ZNF236: variants seen among roughly 807,000 people sequenced by gnomAD.
The protein encoded by ZNF236 is regulated by glucose.
In ZNF236, 50 loss-of-function variants were observed where a neutral mutation model predicts 191.2. The observed-to-expected ratio is 0.26, with a 90% CI of 0.21 to 0.33. The LOEUF is 0.33. Ranked by LOEUF, ZNF236 falls within the 10% of genes least tolerant of loss-of-function variation. The probability of loss-of-function intolerance (pLI) is 1.00; values close to 1 mark genes in which losing one functional copy is unlikely to be tolerated. For missense variants in ZNF236, 1,754 were observed against 2,374.5 expected (o/e 0.74, Z 5.43); for synonymous variants, 907 against 928.8 (o/e 0.98, Z 0.43).
chr18:76,905,545 GAAAA>G (rs1159878664), intron 13 of ZNF236, 130 bp downstream of exon 13: 61 of 67,738 alleles, frequency 9.0e-4, no homozygotes, highest in South Asian at 3.4e-3. Context: ...ATGGGCTCAA[GAAAA>G]AAAAAAAAAA....
intron 1 of ZNF236, among the ~76,000 whole-genome samples, chr18:76,845,031 C>A (rs892218753): frequency 3.3e-5 from 5 of 152,140 alleles, no homozygotes; most frequent in Non-Finnish European, 7.4e-5. Flanking sequence ...CTTATTTATT[C>A]CGCACAACTG....
chr18:76,828,710 A>G (rs1332841528), intron 1 of ZNF236, among the ~76,000 whole-genome samples: 2 of 152,218 alleles, frequency 1.3e-5, no homozygotes, highest in African/African-American at 4.8e-5. Context: ...TCTGTTGCCC[A>G]GGCTGGTATG....
chr18:76,960,576 GAA>G lies in ZNF236; in HGVS notation c.5243-100_5243-99del. On this transcript the variant is annotated intron_variant, in intron 29 of 30. Coordinates refer to ENST00000320610, the MANE Select transcript of ZNF236 (RefSeq NM_001306089.2). This position sits in a 1 kb window ranked among gnomAD's most constrained non-coding sequence, Gnocchi z 4.4. ...TGACAGCCAGGCTGAAAGCCTAAAA[GAA>G]AAGAGGAACATTCAGTCCCTCTTGT... is the stretch of plus-strand genomic sequence containing the variant. 1 of 1,421,374 alleles carries G rather than the reference GAA, an allele frequency of 7.0e-7. No individual in the cohort carries two copies. The allele number at this position is 1,421,374 out of a possible 1,614,324, so 88.0% of individuals were successfully genotyped here.
chr18:76,921,685 T>A (rs2122812051), intron 20 of ZNF236, among the ~76,000 whole-genome samples: 1 of 150,362 alleles, frequency 6.7e-6, no homozygotes, highest in African/African-American at 2.4e-5. Context: ...CGACATAAAG[T>A]GCTAAACATG....
At chr18:76,943,865 A>G in intron 26 of ZNF236, among the ~76,000 whole-genome samples, 1 of 152,336 alleles carries the variant, frequency 6.6e-6, no homozygotes, top group Middle Eastern at 3.4e-3. Flanking sequence ...TTGAGGCACA[A>G]TGTTTTGTTT....
chr18:76,875,457 G>A lies in ZNF236; in HGVS notation c.668-35G>A, dbSNP rs1330718978. On this transcript the variant is annotated intron_variant, in intron 5 of 30. Coordinates refer to ENST00000320610, the MANE Select transcript of ZNF236 (RefSeq NM_001306089.2). The surrounding 1 kb of genome is among the most constrained non-coding windows in gnomAD (Gnocchi z 4.3). Reference sequence around the variant, plus strand: ...AATCCGTAAGATGCCCATACAATATGGAATTATATTTTGATCATTTTTCTC... The same window carrying A: ...AATCCGTAAGATGCCCATACAATATAGAATTATATTTTGATCATTTTTCTC... The A allele has an allele frequency of 6.9e-7, 1 of 1,454,630 alleles. No homozygotes were observed. The highest frequency in any genetic ancestry group is 9.1e-7 in the Non-Finnish European group (1 of 1,094,196). The allele number at this position is 1,454,630 out of a possible 1,614,324, so 90.1% of individuals were successfully genotyped here.
At position 76,972,514 on chromosome 18, in the gene ZNF236, T is replaced by G. The variant is rs1968922052; in HGVS notation, c.*4175T>G. On this transcript the variant is annotated 3_prime_UTR_variant, in exon 31 of 31. Transcript: ENST00000320610. The stretch of plus-strand genomic sequence containing the variant: ...CCTACACAGGCATCGGGGCAGTTCT[T>G]TATATGGATGACTAACAACTAAGAA... Among the ~76,000 whole-genome samples the G allele has an allele frequency of 6.6e-6, 1 of 152,152 alleles. No homozygotes were observed. Among genetic ancestry groups the G allele is most frequent in the Non-Finnish European group, 1.5e-5 (1 of 68,026 alleles).
chr18:76,864,364 T>C (rs1432875571), intron 3 of ZNF236, among the ~76,000 whole-genome samples: 1 of 151,976 alleles, frequency 6.6e-6, no homozygotes, highest in African/African-American at 2.4e-5. Context: ...CACACCCGGC[T>C]AGTTTTTATA....
At chr18:76,846,855 T>C (rs965596921) in intron 1 of ZNF236, among the ~76,000 whole-genome samples, 5 of 151,884 alleles carry the variant, frequency 3.3e-5, no homozygotes, top group African/African-American at 9.7e-5. Context: ...AGTGCAGTGG[T>C]GCAATCTCGG....
In ZNF236 at chr18:76,971,451, A is replaced by T. The variant is rs1170901850; in HGVS notation, c.*3112A>T. On this transcript the variant is annotated 3_prime_UTR_variant, in exon 31 of 31. Transcript: ENST00000320610. ...ACAGTGTTCTGCTGGTGGGACATGA[A>T]CATCAGTGCTTGTCTGGCACTTAAC... 6.6e-6 allele frequency among the ~76,000 whole-genome samples: 1 copy of T among 152,208 alleles called. No homozygotes were observed. The highest frequency in any genetic ancestry group is 2.4e-5 in the African/African-American group (1 of 41,456).
chr18:76,872,820 G>C (rs746731257), intron 5 of ZNF236, among the ~76,000 whole-genome samples: 15 of 152,132 alleles, frequency 9.9e-5, no homozygotes, highest in Non-Finnish European at 1.9e-4. Context: ...TGTATTTCTT[G>C]ATTTGGTTTT....
At chr18:76,967,527 TG>T (rs1968808213) in intron 30 of ZNF236, among the ~76,000 whole-genome samples, 100 of 94,924 alleles carry the variant, frequency 1.1e-3, no homozygotes, top group African/African-American at 3.7e-3. Flanking sequence ...TTGGAGGTGG[TG>T]GTGTGATCTG....
chr18:76,964,283 A>C (rs983784143), intron 30 of ZNF236, among the ~76,000 whole-genome samples: 5 of 152,170 alleles, frequency 3.3e-5, no homozygotes, highest in Non-Finnish European at 5.9e-5. Flanking sequence ...CAGTTCGAAT[A>C]ATTTTTTAAT....
intron 17 of ZNF236, 130 bp downstream of exon 17, chr18:76,912,477 T>C: frequency 1.7e-6 from 1 of 594,866 alleles, no homozygotes; most frequent in Non-Finnish European, 2.9e-6. Context: ...TCCATTGTCA[T>C]CCATATTCTG....
At chr18:76,841,583 T>C (rs899475721) in intron 1 of ZNF236, among the ~76,000 whole-genome samples, 14 of 152,362 alleles carry the variant, frequency 9.2e-5, no homozygotes, top group East Asian at 3.9e-4. Flanking sequence ...TGGCTCCTAA[T>C]TGAATCAACA....
At chr18:76,908,257 T>C in intron 13 of ZNF236, 63 bp from the exon 14 acceptor site, 1 of 1,547,362 alleles carries the variant, frequency 6.5e-7, no homozygotes, top group Non-Finnish European at 8.8e-7. Flanking sequence ...TTCACTGTAG[T>C]ATCCCAGGCA....
At chr18:76,965,265 C>T (rs1227019708) in intron 30 of ZNF236, among the ~76,000 whole-genome samples, 1 of 152,136 alleles carries the variant, frequency 6.6e-6, no homozygotes, top group Non-Finnish European at 1.5e-5. Context: ...CTATCAATTT[C>T]ATTGAATATT....
In ZNF236 at chr18:76,925,513, C is replaced by G. The variant is rs1486665771; in HGVS notation, c.3986C>G (p.Pro1329Arg). The change falls in exon 22 of 31, where the codon CCA becomes CGA. Residue 1329 changes from proline to arginine, a missense_variant. Physicochemically the swap from Pro to Arg is moderately radical, Grantham distance 103. This residue lies in a region of ZNF236 where 606 missense variants were observed against 761.5 expected (regional missense o/e 0.80). Coordinates refer to ENST00000320610, the MANE Select transcript of ZNF236 (RefSeq NM_001306089.2). This position sits in a 1 kb window ranked among gnomAD's most constrained non-coding sequence, Gnocchi z 5.7. ...TGQFDQNLLQPGLVGQAILPA... is the reference protein window; with the variant it reads ...TGQFDQNLLQRGLVGQAILPA... Reference sequence around the variant, plus strand: ...CAGTTTGATCAGAATCTGCTGCAACCAGGACTGGTGGGCCAAGCTATTCTC... The same window carrying G: ...CAGTTTGATCAGAATCTGCTGCAACGAGGACTGGTGGGCCAAGCTATTCTC... The G allele has an allele frequency of 6.2e-7, 1 of 1,613,978 alleles. No homozygotes were observed. The highest frequency in any genetic ancestry group is 1.1e-5 in the South Asian group (1 of 91,078).
At chr18:76,949,847 T>C (rs1428047451) in intron 27 of ZNF236, among the ~76,000 whole-genome samples, 1 of 151,946 alleles carries the variant, frequency 6.6e-6, no homozygotes, top group African/African-American at 2.4e-5. Flanking sequence ...TTAGTAGAGA[T>C]GGGATTTTGC....
Sources: allele counts gnomAD v4.1 joint callset (sites outside exome capture counted in the v4.1 genomes callset), GRCh38; gene constraint gnomAD v4.1.1; regional missense constraint gnomAD v4.1.1; non-coding constraint Gnocchi (gnomAD v3.1); transcripts MANE v1.5; gene names NCBI Gene and HGNC (gene_info 2026-07-23, HGNC 2026-07-21).